UNC13C: variants seen among roughly 807,000 people sequenced by gnomAD.
UNC13C encodes protein unc-13 homolog C.
A neutral mutation model predicts 245.4 loss-of-function variants in UNC13C; 174 were observed. That is an observed-to-expected ratio of 0.71 (90% CI 0.63 to 0.80). The LOEUF (loss-of-function observed/expected upper bound fraction) is 0.80. Ranked by LOEUF, UNC13C falls within the 30% of genes least tolerant of loss-of-function variation. The pLI, the probability that UNC13C is intolerant of heterozygous loss-of-function variation, is 0.00. For synonymous variants in UNC13C, 992 were observed against 895.1 expected (o/e 1.11, Z -1.93); for missense variants, 2,829 against 2,602.9 (o/e 1.09, Z -1.89).
chr15:54,204,981 GT>G (rs2034661947), intron 4 of UNC13C, among the ~76,000 whole-genome samples: 2 of 151,926 alleles, frequency 1.3e-5, no homozygotes, highest in Admixed American at 1.3e-4. Context: ...TCTAAAATAT[GT>G]TTTATTCTTT....
Position 54,029,512 on chromosome 15 carries a change from G to A in UNC13C, c.2983+13626G>A, listed in dbSNP as rs559340301. Reference sequence around the variant, plus strand: ...AATTGTTTTTTGAAAATATTTATTAGCACCTACTGAATGTATACAGTGAAT... The same window carrying A: ...AATTGTTTTTTGAAAATATTTATTAACACCTACTGAATGTATACAGTGAAT... On this transcript the variant is annotated intron_variant, in intron 2 of 32. Transcript: ENST00000260323. Among the ~76,000 whole-genome samples, 9 of 152,266 alleles carry A rather than the reference G, an allele frequency of 5.9e-5. 1 individual carries two copies. The highest frequency in any genetic ancestry group is 5.9e-4 in the Admixed American group (9 of 15,290).
chr15:54,249,412 A>T (rs1404204169), intron 7 of UNC13C, among the ~76,000 whole-genome samples: 1 of 152,218 alleles, frequency 6.6e-6, no homozygotes, highest in Non-Finnish European at 1.5e-5. Context: ...AGATTACAAG[A>T]TTCATAAGTG....
chr15:53,889,121 A>T, the UNC13C span, among the ~76,000 whole-genome samples: 9 of 152,104 alleles, frequency 5.9e-5, no homozygotes, highest in Admixed American at 4.6e-4. Flanking sequence ...GATAGCATTG[A>T]ATCTATAAAT....
intron 2 of UNC13C, among the ~76,000 whole-genome samples, chr15:54,053,797 C>T (rs941666219): frequency 3.3e-5 from 5 of 152,104 alleles, no homozygotes; most frequent in Admixed American, 6.6e-5. Flanking sequence ...CCCCAACTAC[C>T]CTTCCTAGCT....
chr15:54,505,744 C>CTTTT lies in UNC13C; in HGVS notation c.5302-1358_5302-1355dup, dbSNP rs3083161. 1.1e-3 allele frequency among the ~76,000 whole-genome samples: 140 copies of CTTTT among 129,798 alleles called. 3 individuals carry two copies. Among genetic ancestry groups the CTTTT allele is most frequent in the African/African-American group, 2.3e-3 (80 of 34,482 alleles). The allele number at this position is 129,798 out of a possible 152,430, so 85.2% of individuals were successfully genotyped here. A position where few individuals can be genotyped will look rare whatever the true frequency, so the allele number is the denominator to read the frequency against. On this transcript the variant is annotated intron_variant, in intron 22 of 32. Coordinates refer to ENST00000260323, the MANE Select transcript of UNC13C (RefSeq NM_001080534.3). ...TAGGCACACAGCTTTAAGCTATATT[C>CTTTT]TTTTTTTTTTTTTTTTTTGAGACAA... is the stretch of plus-strand genomic sequence containing the variant.
At chr15:54,264,130 C>T in intron 8 of UNC13C, 38 bp from the exon 9 acceptor site, 1 of 1,539,778 alleles carries the variant, frequency 6.5e-7, no homozygotes, top group South Asian at 1.2e-5. Flanking sequence ...AAAGTAATGG[C>T]ATTTCCATTC....
At chr15:54,498,973 A>C (rs1184966135) in intron 20 of UNC13C, among the ~76,000 whole-genome samples, 2 of 152,206 alleles carry the variant, frequency 1.3e-5, no homozygotes, top group Admixed American at 1.3e-4. Flanking sequence ...GTTAGCTAAT[A>C]AAGTAGAGTT....
chr15:54,112,553 A>G (rs1900834665), intron 2 of UNC13C, among the ~76,000 whole-genome samples: 1 of 152,108 alleles, frequency 6.6e-6, no homozygotes, highest in East Asian at 1.9e-4. Context: ...GAAAGATGGA[A>G]CTGTCATGTT....
At chr15:53,898,451 C>CT in the UNC13C span, among the ~76,000 whole-genome samples, 1 of 151,908 alleles carries the variant, frequency 6.6e-6, no homozygotes, top group African/African-American at 2.4e-5. Flanking sequence ...CACTAACACA[C>CT]TTTTTTTTCT....
chr15:53,839,984 C>A, the UNC13C span, among the ~76,000 whole-genome samples: 1 of 152,004 alleles, frequency 6.6e-6, no homozygotes, highest in Non-Finnish European at 1.5e-5. Flanking sequence ...TTCTTCCCAT[C>A]CCCCAATTAA....
intron 17 of UNC13C, among the ~76,000 whole-genome samples, chr15:54,353,055 G>A (rs185470001): frequency 9.2e-5 from 14 of 152,102 alleles, no homozygotes; most frequent in African/African-American, 3.4e-4. Flanking sequence ...ACAGGAAAAA[G>A]GATTTAAATG....
chr15:53,928,437 C>T, the UNC13C span, among the ~76,000 whole-genome samples: 4 of 152,194 alleles, frequency 2.6e-5, no homozygotes, highest in African/African-American at 9.7e-5. Flanking sequence ...TCCTTGCCCT[C>T]ATTCCTGTAA....
intron 30 of UNC13C, among the ~76,000 whole-genome samples, chr15:54,620,713 C>T (rs1056628379): frequency 6.7e-6 from 1 of 148,998 alleles, no homozygotes; most frequent in Non-Finnish European, 1.5e-5. Flanking sequence ...CTGAGCCCTA[C>T]AAGTCGAGCC....
At chr15:54,254,927 G>A (rs994370300) in intron 8 of UNC13C, among the ~76,000 whole-genome samples, 1 of 151,990 alleles carries the variant, frequency 6.6e-6, no homozygotes, top group Non-Finnish European at 1.5e-5. Context: ...AACTCCTCAG[G>A]ACCCGCCATC....
At chr15:54,475,530 T>C (rs1011608414) in intron 19 of UNC13C, among the ~76,000 whole-genome samples, 1 of 151,724 alleles carries the variant, frequency 6.6e-6, no homozygotes, top group Admixed American at 6.6e-5. Flanking sequence ...ATTGTTCAAT[T>C]CCCATCTATG....
intron 17 of UNC13C, among the ~76,000 whole-genome samples, chr15:54,356,120 A>G (rs1185868127): frequency 6.6e-6 from 1 of 152,196 alleles, no homozygotes; most frequent in Non-Finnish European, 1.5e-5. Flanking sequence ...CAATGTATTT[A>G]GCCTGCCCCT....
At chr15:54,235,281 G>C (rs923199429) in intron 5 of UNC13C, among the ~76,000 whole-genome samples, 173 bp downstream of exon 5, 1 of 152,098 alleles carries the variant, frequency 6.6e-6, no homozygotes, top group Non-Finnish European at 1.5e-5. Flanking sequence ...AAATCTATTA[G>C]ATGGAGGAGA....
intron 18 of UNC13C, among the ~76,000 whole-genome samples, chr15:54,405,525 A>C (rs1272220675): frequency 6.6e-6 from 1 of 152,184 alleles, no homozygotes; most frequent in African/African-American, 2.4e-5. Context: ...GCATAGAAAA[A>C]GCGAATAAAA....
At chr15:54,095,046 G>A (rs998361171) in intron 2 of UNC13C, among the ~76,000 whole-genome samples, 1 of 152,108 alleles carries the variant, frequency 6.6e-6, no homozygotes, top group Non-Finnish European at 1.5e-5. Flanking sequence ...TCTCACACAG[G>A]TATGGTCCAC....
Sources: gnomAD v4.1 joint callset for allele counts (sites outside exome capture counted in the v4.1 genomes callset) on GRCh38, gnomAD v4.1.1 for gene constraint, MANE v1.5 for transcripts, NCBI Gene and HGNC (gene_info 2026-07-23, HGNC 2026-07-21) for gene names.